GRB14: variants seen among roughly 807,000 people sequenced by gnomAD.
GRB14 encodes the protein growth factor receptor-bound protein 14.
In GRB14, 38 loss-of-function variants were observed where a neutral mutation model predicts 69.1. The observed-to-expected ratio is 0.55, with a 90% CI of 0.42 to 0.72. The LOEUF (loss-of-function observed/expected upper bound fraction) is 0.72. GRB14 is among the 30% of genes least tolerant of loss of function. GRB14 has a pLI of 0.00. For synonymous variants in GRB14, 247 were observed against 241.3 expected (o/e 1.02, Z -0.22); for missense variants, 666 against 666.1 (o/e 1.00, Z 0.00).
chr2:164,500,055 G>A (rs939147271), intron 9 of GRB14, among the ~76,000 whole-genome samples: 4 of 152,078 alleles, frequency 2.6e-5, no homozygotes, highest in Non-Finnish European at 2.9e-5. Flanking sequence ...GAAATACAGT[G>A]GAGGAATTGC....
chr2:164,498,020 T>C (rs1477628206), intron 9 of GRB14, among the ~76,000 whole-genome samples: 2 of 152,194 alleles, frequency 1.3e-5, no homozygotes. Context: ...TCTTGAGAAA[T>C]AATACTCATT....
At chr2:164,578,521 C>T (rs572059736) in intron 2 of GRB14, among the ~76,000 whole-genome samples, 40 of 125,264 alleles carry the variant, frequency 3.2e-4, no homozygotes, top group African/African-American at 1.2e-3. Flanking sequence ...ACAATTCGCG[C>T]GCACACACAC....
At chr2:164,615,352 A>T (rs186720803) in intron 2 of GRB14, among the ~76,000 whole-genome samples, 43 of 152,332 alleles carry the variant, frequency 2.8e-4, no homozygotes, top group African/African-American at 1.0e-3. Flanking sequence ...AGAAGAAAAA[A>T]CGTAGTTACA....
At chr2:164,562,886 A>G (rs1048950516) in intron 2 of GRB14, among the ~76,000 whole-genome samples, 1 of 152,188 alleles carries the variant, frequency 6.6e-6, no homozygotes, top group Non-Finnish European at 1.5e-5. Context: ...CACTTCCTAA[A>G]AACTCACTTC....
intron 2 of GRB14, among the ~76,000 whole-genome samples, chr2:164,589,684 T>A (rs1250655775): frequency 6.6e-6 from 1 of 152,046 alleles, no homozygotes; most frequent in Non-Finnish European, 1.5e-5. Flanking sequence ...CAAACAGAAG[T>A]AGGCCCCATC....
At chr2:164,618,013 G>A (rs1035923780) in intron 2 of GRB14, among the ~76,000 whole-genome samples, 3 of 147,958 alleles carry the variant, frequency 2.0e-5, no homozygotes, top group African/African-American at 7.3e-5. Flanking sequence ...GTCGTTCAGA[G>A]TGGAGTGCAG....
chr2:164,523,878 G>A (rs1440566078), intron 5 of GRB14, among the ~76,000 whole-genome samples: 3 of 151,902 alleles, frequency 2.0e-5, no homozygotes, highest in Non-Finnish European at 4.4e-5. Flanking sequence ...AAAAGGAGGC[G>A]GAATAAAAAC....
chr2:164,499,381 C>T (rs146847369), intron 9 of GRB14, among the ~76,000 whole-genome samples: 2 of 152,160 alleles, frequency 1.3e-5, no homozygotes, highest in Non-Finnish European at 2.9e-5. Context: ...AGGACTATAG[C>T]AAATGTCTTC....
intron 2 of GRB14, among the ~76,000 whole-genome samples, chr2:164,557,180 AC>A (rs1688700294): frequency 6.6e-6 from 1 of 152,198 alleles, no homozygotes; most frequent in African/African-American, 2.4e-5. Context: ...AAAGGAGTGA[AC>A]AATACTCAGG....
In GRB14 at chr2:164,534,157, G is replaced by T. The variant is rs140970052; in HGVS notation, c.482-7022C>A. ...TATTAAGGAAGCTAATAAAAGTCAA[G>T]TGGATTGAATGCAGCTATAGTTTTT... On this transcript the variant is annotated intron_variant, in intron 3 of 13. Transcript: ENST00000263915. 3.7e-3 allele frequency among the ~76,000 whole-genome samples: 556 copies of T among 152,260 alleles called. 6 individuals are homozygous for T. Among genetic ancestry groups the T allele is most frequent in the African/African-American group, 0.012 (505 of 41,562 alleles).
intron 2 of GRB14, among the ~76,000 whole-genome samples, chr2:164,592,413 C>G (rs191781883): frequency 1.6e-4 from 25 of 152,142 alleles, no homozygotes; most frequent in Non-Finnish European, 1.2e-4. Context: ...GGATTACAGG[C>G]GTGAGCCACC....
At chr2:164,603,792 TAAGA>T (rs1689983678) in intron 2 of GRB14, among the ~76,000 whole-genome samples, 1 of 152,072 alleles carries the variant, frequency 6.6e-6, no homozygotes, top group Non-Finnish European at 1.5e-5. Flanking sequence ...TTCTGTATCA[TAAGA>T]AACACTATAA....
At chr2:164,554,231 T>A (rs964372565) in intron 2 of GRB14, among the ~76,000 whole-genome samples, 4 of 151,988 alleles carry the variant, frequency 2.6e-5, no homozygotes, top group African/African-American at 4.8e-5. Context: ...TAAAAAAAAA[T>A]TTAAACATTA....
At chr2:164,569,876 C>G (rs7579712) in intron 2 of GRB14, among the ~76,000 whole-genome samples, 103,873 of 152,032 alleles carry the variant, frequency 0.68, 37,004 homozygotes, top group African/African-American at 0.8. Context: ...ACCAAGAAAG[C>G]AAATACCAAC....
chr2:164,571,049 G>A (rs1689111947), intron 2 of GRB14, among the ~76,000 whole-genome samples: 1 of 152,202 alleles, frequency 6.6e-6, no homozygotes, highest in African/African-American at 2.4e-5. Context: ...TCAGCAGACT[G>A]AACAAGATAG....
At chr2:164,580,133 C>T (rs1445229886) in intron 2 of GRB14, among the ~76,000 whole-genome samples, 1 of 150,618 alleles carries the variant, frequency 6.6e-6, no homozygotes, top group African/African-American at 2.4e-5. Context: ...CTTGCTCTGT[C>T]GCCCAGGCTG....
Position 164,621,312 on chromosome 2 carries a change from T to C in GRB14, c.-3A>G. On this transcript the variant is annotated 5_prime_UTR_variant, in exon 1 of 14. Transcript: ENST00000263915. The surrounding 1 kb of genome is among the most constrained non-coding windows in gnomAD (Gnocchi z 6.0). ...CCATCTTGCAGGGAAGTGGTCATTG[T>C]CGCCGGCCGGGGGGCTCGGGCGTCA... 3.1e-6 allele frequency: 4 copies of C among 1,285,440 alleles called. No homozygotes were observed. The highest frequency in any genetic ancestry group is 1.5e-5 in the African/African-American group (1 of 66,152). The allele number at this position is 1,285,440 out of a possible 1,614,324, so 79.6% of individuals were successfully genotyped here.
At chr2:164,555,972 T>C (rs1193745430) in intron 2 of GRB14, among the ~76,000 whole-genome samples, 3 of 152,066 alleles carry the variant, frequency 2.0e-5, no homozygotes, top group African/African-American at 7.2e-5. Context: ...AATGTACTAA[T>C]ATTTCATGAG....
intron 3 of GRB14, among the ~76,000 whole-genome samples, chr2:164,543,398 GCCACACTCC>G (rs1213042566): frequency 6.6e-6 from 1 of 151,836 alleles, no homozygotes; most frequent in Non-Finnish European, 1.5e-5. Context: ...AAGAAATAAA[GCCACACTCC>G]TACAGCCATC....
Sources: gnomAD v4.1 joint callset for allele counts (sites outside exome capture counted in the v4.1 genomes callset) on GRCh38, gnomAD v4.1.1 for gene constraint, Gnocchi (gnomAD v3.1) non-coding constraint, MANE v1.5 for transcripts, NCBI Gene and HGNC (gene_info 2026-07-23, HGNC 2026-07-21) for gene names.